The following FOXP1 variants were observed in gnomAD, a reference collection of about 807,000 sequenced individuals.
The protein encoded by FOXP1 is forkhead box protein P1.
Under a neutral mutation model 98.2 loss-of-function variants are expected in FOXP1, and 15 were observed. That is an observed-to-expected ratio of 0.15 (90% CI 0.10 to 0.24). FOXP1 has a LOEUF of 0.24. Among genes scored for constraint, FOXP1 ranks in the 10% least tolerant of loss-of-function variants. The pLI, the probability that FOXP1 is intolerant of heterozygous loss-of-function variation, is 1.00. For synonymous variants in FOXP1, 371 were observed against 314.5 expected (o/e 1.18, Z -1.90); for missense variants, 633 against 848.5 (o/e 0.75, Z 3.15).
chr3:71,411,926 T>G (rs964898145), intron 3 of FOXP1, among the ~76,000 whole-genome samples: 9 of 152,198 alleles, frequency 5.9e-5, no homozygotes, highest in African/African-American at 2.2e-4. Flanking sequence ...ATATGTCAAA[T>G]GAGATAACTT....
intron 2 of FOXP1, among the ~76,000 whole-genome samples, chr3:71,511,328 C>G (rs2042188796): frequency 6.6e-6 from 1 of 152,120 alleles, no homozygotes; most frequent in South Asian, 2.1e-4. Context: ...CAACAAACCA[C>G]AGTGTAGTCA....
chr3:71,364,510 T>G (rs116150012), intron 3 of FOXP1, among the ~76,000 whole-genome samples: 2 of 152,218 alleles, frequency 1.3e-5, no homozygotes, highest in African/African-American at 2.4e-5. Context: ...AGTTTCCTAG[T>G]TGAATGCCTT....
intron 3 of FOXP1, among the ~76,000 whole-genome samples, chr3:71,397,649 G>A (rs542522047): frequency 3.2e-4 from 48 of 152,282 alleles, no homozygotes; most frequent in Admixed American, 5.2e-4. Flanking sequence ...AGTACTATGG[G>A]AGAAAACAAT....
intron 5 of FOXP1, among the ~76,000 whole-genome samples, chr3:71,217,283 G>C (rs1416793401): frequency 1.3e-5 from 2 of 152,058 alleles, no homozygotes; most frequent in Admixed American, 6.6e-5. Context: ...ATGTTGGCCT[G>C]GTTGGTCTGG....
chr3:71,332,430 C>T (rs566248653), intron 4 of FOXP1: 12 of 177,116 alleles, frequency 6.8e-5, no homozygotes, highest in Admixed American at 5.8e-4. Flanking sequence ...CGAGGGTCCG[C>T]GGCTTCATTC....
rs1405390862 is a variant in FOXP1, at chr3:71,313,056, T to TC, written c.-72-13177dup. Among the ~76,000 whole-genome samples, 97 of 144,730 alleles carry TC rather than the reference T, an allele frequency of 6.7e-4. 1 individual carries two copies. Among genetic ancestry groups the TC allele is most frequent in the African/African-American group, 2.3e-3 (91 of 38,910 alleles). The allele number at this position is 144,730 out of a possible 152,430, so 94.9% of individuals were successfully genotyped here. ...TGCACAATCACAATGAAACTTTAAT[T>TC]CTTTTTTTTTTTTTTTTTTTTGAGA... On this transcript the variant is annotated intron_variant, in intron 4 of 20. Coordinates refer to ENST00000649528, the MANE Select transcript of FOXP1 (RefSeq NM_001349338.3).
intron 3 of FOXP1, among the ~76,000 whole-genome samples, chr3:71,440,967 T>G (rs923262848): frequency 1.2e-4 from 19 of 152,238 alleles, no homozygotes; most frequent in African/African-American, 4.6e-4. Context: ...GAAACTGGTA[T>G]TAAATGGAAA....
rs886280386 is a variant in FOXP1, at chr3:70,965,776, A to G, written c.1889+114T>C. 1.2e-5 allele frequency: 14 copies of G among 1,123,284 alleles called. No individual in the cohort carries two copies. In the Admixed American group the frequency reaches 1.5e-4, roughly 12 times the overall value. 69.6% of individuals were successfully genotyped at this position (1,123,284 alleles called of 1,614,324 possible). On this transcript the variant is annotated intron_variant, in intron 20 of 20. Transcript: ENST00000649528. ...TACAAACTTCTAGCTTGGTTCTGGG[A>G]AATCAGAAATTACAGAAAAGGTATA...
At chr3:71,028,551 G>C (rs567396010) in intron 11 of FOXP1, among the ~76,000 whole-genome samples, 17 of 152,194 alleles carry the variant, frequency 1.1e-4, no homozygotes, top group African/African-American at 3.6e-4. Context: ...TACAGGTATC[G>C]ACAACAGCTA....
At chr3:71,082,277 TAAAAAAAAGAAAAAAAA>T (rs2054514610) in intron 7 of FOXP1, among the ~76,000 whole-genome samples, 1 of 128,998 alleles carries the variant, frequency 7.8e-6, no homozygotes, top group African/African-American at 3.1e-5. Flanking sequence ...AGACTCTGTT[TAAAAAAAAGAAAAAAAA>T]AAAAAAAAGA....
chr3:71,107,522 C>A (rs2057538669), intron 7 of FOXP1, among the ~76,000 whole-genome samples: 1 of 152,074 alleles, frequency 6.6e-6, no homozygotes, highest in Non-Finnish European at 1.5e-5. Context: ...ATAACAGTAA[C>A]ATCTTAAAGA....
chr3:71,308,810 T>C (rs1576899933), intron 4 of FOXP1, among the ~76,000 whole-genome samples: 2 of 135,478 alleles, frequency 1.5e-5, no homozygotes, highest in African/African-American at 5.4e-5. Context: ...TGTGTGTGGG[T>C]GAGGGGGGAC....
chr3:71,181,943 G>A (rs1219834294), intron 6 of FOXP1, among the ~76,000 whole-genome samples: 2 of 151,436 alleles, frequency 1.3e-5, no homozygotes, highest in Non-Finnish European at 2.9e-5. Context: ...GCTGAGGCAG[G>A]AGAATGGCGT....
At chr3:70,973,258 C>T (rs931414213) in intron 17 of FOXP1, among the ~76,000 whole-genome samples, 19 of 150,532 alleles carry the variant, frequency 1.3e-4, no homozygotes, top group African/African-American at 3.7e-4. Context: ...CGCCCCGCCC[C>T]GGTCAAGAGA....
chr3:71,092,857 C>T (rs2056027438), intron 7 of FOXP1, among the ~76,000 whole-genome samples: 1 of 151,966 alleles, frequency 6.6e-6, no homozygotes, highest in African/African-American at 2.4e-5. Flanking sequence ...TATAGAGAGA[C>T]ACGTGACAAA....
intron 2 of FOXP1, among the ~76,000 whole-genome samples, chr3:71,569,652 T>A (rs1383122309): frequency 6.6e-6 from 1 of 152,144 alleles, no homozygotes; most frequent in East Asian, 1.9e-4. Context: ...TATACACACA[T>A]ACACATAGAG....
At position 70,954,873 on chromosome 3, in the gene FOXP1, T is replaced by TCAAAACAAAA. The variant is rs57959417; in HGVS notation, c.*4364_*4373dup. 2 of 232,432 alleles carry TCAAAACAAAA rather than the reference T, an allele frequency of 8.6e-6. No individual in the cohort carries two copies. Among genetic ancestry groups the TCAAAACAAAA allele is most frequent in the African/African-American group, 4.4e-5 (2 of 45,142 alleles). 14.4% of individuals were successfully genotyped at this position (232,432 alleles called of 1,614,324 possible). On this transcript the variant is annotated 3_prime_UTR_variant, in exon 21 of 21. Coordinates refer to ENST00000649528, the MANE Select transcript of FOXP1 (RefSeq NM_001349338.3). ...AGGAATGAGTTTCTTTTATGCCTTATCAAAACAAAACAAAACAAAACAAAA... is the reference window on the plus strand; with the variant it reads ...AGGAATGAGTTTCTTTTATGCCTTATCAAAACAAAACAAAACAAAACAAAACAAAACAAAA...
chr3:71,325,255 G>A (rs2075622127), intron 4 of FOXP1, among the ~76,000 whole-genome samples: 1 of 152,060 alleles, frequency 6.6e-6, no homozygotes, highest in South Asian at 2.1e-4. Context: ...GTTTCACCAT[G>A]TTGGCCAGGC....
chr3:71,047,206 G>A, intron 9 of FOXP1, 111 bp from the exon 10 acceptor site: 1 of 1,241,300 alleles, frequency 8.1e-7, no homozygotes, highest in Admixed American at 1.7e-5. Flanking sequence ...GGTCACTGGA[G>A]CTCAGTGGAG....
Sources: allele counts gnomAD v4.1 joint callset (sites outside exome capture counted in the v4.1 genomes callset), GRCh38; gene constraint gnomAD v4.1.1; transcripts MANE v1.5; gene names NCBI Gene and HGNC (gene_info 2026-07-23, HGNC 2026-07-21).